RNF180: variants seen among roughly 807,000 people sequenced by gnomAD.
RNF180 encodes ring finger protein 180.
RNF180 carries 38 observed loss-of-function variants against 59.2 expected under a neutral mutation model. That is an observed-to-expected ratio of 0.64 (90% CI 0.50 to 0.84). The LOEUF is 0.84. Ranked by LOEUF, RNF180 falls within the 40% of genes least tolerant of loss-of-function variation. The pLI, the probability that RNF180 is intolerant of heterozygous loss-of-function variation, is 0.00. For missense variants in RNF180, 705 were observed against 700.9 expected (o/e 1.01, Z -0.07); for synonymous variants, 262 against 240.3 (o/e 1.09, Z -0.84).
chr5:64,273,779 AT>A (rs1482082193), intron 5 of RNF180, among the ~76,000 whole-genome samples: 1 of 151,898 alleles, frequency 6.6e-6, no homozygotes, highest in Non-Finnish European at 1.5e-5. Flanking sequence ...GACTAAGAAA[AT>A]TTTATTTTAT....
At chr5:64,171,449 T>C (rs1209531601) in intron 1 of RNF180, among the ~76,000 whole-genome samples, 1 of 152,100 alleles carries the variant, frequency 6.6e-6, no homozygotes, top group Non-Finnish European at 1.5e-5. Flanking sequence ...ACATATAGAC[T>C]ATAACAGGCA....
intron 7 of RNF180, among the ~76,000 whole-genome samples, chr5:64,339,454 A>T (rs1027933884): frequency 3.3e-5 from 5 of 152,150 alleles, no homozygotes; most frequent in African/African-American, 1.2e-4. Context: ...GATCATCTTG[A>T]TTAAAAATAA....
chr5:64,346,598 G>A (rs1259775310), intron 7 of RNF180, among the ~76,000 whole-genome samples: 2 of 151,778 alleles, frequency 1.3e-5, no homozygotes, highest in African/African-American at 4.8e-5. Flanking sequence ...TCAACGTCCT[G>A]ACCTCAAGTG....
At chr5:64,227,280 C>T (rs1477705437) in intron 5 of RNF180, among the ~76,000 whole-genome samples, 4 of 152,122 alleles carry the variant, frequency 2.6e-5, no homozygotes, top group African/African-American at 9.7e-5. Context: ...AAACCAAGGA[C>T]GAGATCAGCT....
rs1190089130 is a variant in RNF180 at position 64,181,986 on chromosome 5, C to CTT, written c.-1+16055_-1+16056dup. The stretch of plus-strand genomic sequence containing the variant: ...GAGGGAAAAGTGCAACTGCTACTGT[C>CTT]TTTTTTTTTTTTTTTTTTTTTTTGA... On this transcript the variant is annotated intron_variant, in intron 1 of 7. Transcript: ENST00000389100. 9.7e-3 allele frequency among the ~76,000 whole-genome samples: 919 copies of CTT among 94,532 alleles called. 2 individuals carry two copies. The highest frequency in any genetic ancestry group is 0.022 in the East Asian group (72 of 3,306). 62.0% of individuals were successfully genotyped at this position (94,532 alleles called of 152,430 possible).
intron 5 of RNF180, among the ~76,000 whole-genome samples, chr5:64,300,485 G>A (rs557742489): frequency 1.2e-4 from 18 of 151,848 alleles, no homozygotes; most frequent in Admixed American, 5.3e-4. Flanking sequence ...ATTTATTTCC[G>A]ACTTACAGTG....
At chr5:64,187,000 A>T (rs1750904982) in intron 1 of RNF180, among the ~76,000 whole-genome samples, 1 of 152,168 alleles carries the variant, frequency 6.6e-6, no homozygotes, top group South Asian at 2.1e-4. Context: ...CTTCTTTAAA[A>T]TTCACTATTT....
At chr5:64,194,789 A>G (rs1356282655) in intron 1 of RNF180, among the ~76,000 whole-genome samples, 4 of 152,202 alleles carry the variant, frequency 2.6e-5, no homozygotes, top group Non-Finnish European at 5.9e-5. Flanking sequence ...TTTTGGCTGC[A>G]TAAATGTCTT....
intron 5 of RNF180, among the ~76,000 whole-genome samples, chr5:64,321,495 A>C (rs1262045444): frequency 1.3e-5 from 2 of 152,190 alleles, no homozygotes; most frequent in Non-Finnish European, 2.9e-5. Context: ...GAGAACTACA[A>C]ACCACTGCTC....
intron 5 of RNF180, among the ~76,000 whole-genome samples, chr5:64,260,741 C>G (rs1456576425): frequency 6.6e-6 from 1 of 152,094 alleles, no homozygotes; most frequent in Non-Finnish European, 1.5e-5. Context: ...AGATCTTCAG[C>G]TTTGTTTAAC....
intron 5 of RNF180, among the ~76,000 whole-genome samples, chr5:64,248,538 A>T (rs1743341513): frequency 6.6e-6 from 1 of 152,252 alleles, no homozygotes; most frequent in Admixed American, 6.5e-5. Flanking sequence ...GAGAAATGCA[A>T]ATCAAAACCA....
intron 7 of RNF180, among the ~76,000 whole-genome samples, chr5:64,359,801 T>C (rs1336774222): frequency 6.6e-6 from 1 of 152,084 alleles, no homozygotes; most frequent in Non-Finnish European, 1.5e-5. Flanking sequence ...CCATCTTGAA[T>C]TGATTTTTGT....
intron 5 of RNF180, among the ~76,000 whole-genome samples, chr5:64,258,311 T>G (rs973037155): frequency 6.6e-6 from 1 of 152,016 alleles, no homozygotes; most frequent in African/African-American, 2.4e-5. Context: ...CCTAGTAAGG[T>G]TGTGTTTTGA....
intron 4 of RNF180, among the ~76,000 whole-genome samples, chr5:64,215,002 A>G (rs1752542539): frequency 6.6e-6 from 1 of 152,184 alleles, no homozygotes; most frequent in Non-Finnish European, 1.5e-5. Context: ...GGCTCACACG[A>G]TCTAGTTATG....
At position 64,312,657 on chromosome 5, in the gene RNF180, A is replaced by G. The variant is rs541537002; in HGVS notation, c.1228-12529A>G. Among the ~76,000 whole-genome samples the G allele has an allele frequency of 2.0e-5, 3 of 152,198 alleles. No homozygotes were observed. The East Asian group carries it at 5.8e-4, about 29-fold the overall frequency. On this transcript the variant is annotated intron_variant, in intron 5 of 7. Transcript: ENST00000389100. ...AGCTTGGAGTGGTTCCGTTTCACTG[A>G]TTGTTGGTAATTATCTCTACTTTTC...
chr5:64,167,885 A>T (rs1359331734), intron 1 of RNF180, among the ~76,000 whole-genome samples: 1 of 152,118 alleles, frequency 6.6e-6, no homozygotes, highest in East Asian at 1.9e-4. Context: ...CTTCATAGGG[A>T]TATTTGGGGA....
chr5:64,296,940 A>T (rs1742912166), intron 5 of RNF180, among the ~76,000 whole-genome samples: 1 of 152,106 alleles, frequency 6.6e-6, no homozygotes, highest in Non-Finnish European at 1.5e-5. Context: ...GTTTTTTGGT[A>T]GGAAAAGAGT....
intron 5 of RNF180, among the ~76,000 whole-genome samples, chr5:64,272,186 TAAG>T (rs778210654): frequency 6.6e-6 from 1 of 152,188 alleles, no homozygotes; most frequent in African/African-American, 2.4e-5. Context: ...TGATAAATGC[TAAG>T]AAGAAGGACA....
intron 7 of RNF180, among the ~76,000 whole-genome samples, chr5:64,344,960 A>G (rs1050117847): frequency 2.0e-5 from 3 of 151,972 alleles, no homozygotes; most frequent in Non-Finnish European, 4.4e-5. Context: ...TCTTCAAGCC[A>G]GTTTACCCGT....
Sources: allele counts gnomAD v4.1 joint callset (sites outside exome capture counted in the v4.1 genomes callset), GRCh38; gene constraint gnomAD v4.1.1; transcripts MANE v1.5; gene names NCBI Gene and HGNC (gene_info 2026-07-23, HGNC 2026-07-21).